The following MYO1B variants were observed in gnomAD, a reference collection of about 807,000 sequenced individuals.
MYO1B encodes the protein myosin IB.
In MYO1B, 72 loss-of-function variants were observed where a neutral mutation model predicts 159.7. The observed-to-expected ratio is 0.45, with a 90% confidence interval of 0.37 to 0.55. The LOEUF is 0.55. Ranked by LOEUF, MYO1B falls within the 20% of genes least tolerant of loss-of-function variation. The pLI, the probability that MYO1B is intolerant of heterozygous loss-of-function variation, is 0.00. For synonymous variants in MYO1B, 468 were observed against 473.8 expected, an observed-to-expected ratio of 0.99 and a Z score of 0.16; for missense variants, 1,062 against 1,364.8, an observed-to-expected ratio of 0.78 and a Z score of 3.50.
At chr2:191,263,285 T>C in intron 1 of MYO1B, 1 of 981,220 alleles carries the variant, frequency 1.0e-6, no homozygotes, top group Non-Finnish European at 1.2e-6. Flanking sequence ...TTGTACTTAG[T>C]GTGTTCTCCC....
At chr2:191,410,736 T>C (rs1697203739) in intron 26 of MYO1B, among the ~76,000 whole-genome samples, 1 of 152,094 alleles carries the variant, frequency 6.6e-6, no homozygotes, top group African/African-American at 2.4e-5. Flanking sequence ...TTACTGTGAG[T>C]CTCTCTAGAA....
intron 1 of MYO1B, among the ~76,000 whole-genome samples, chr2:191,254,194 TA>T (rs1686293799): frequency 6.6e-6 from 1 of 152,204 alleles, no homozygotes. Context: ...GAAAATGTCA[TA>T]ATTCACTTTA....
At chr2:191,407,945 C>T in intron 24 of MYO1B, 170 bp from the exon 25 acceptor site, 1 of 425,886 alleles carries the variant, frequency 2.3e-6, no homozygotes, top group Non-Finnish European at 4.2e-6. Flanking sequence ...ATTTCTTTCT[C>T]TCTGACTTAA....
At chr2:191,296,082 A>T (rs1385444418) in intron 2 of MYO1B, 29 bp from the exon 3 acceptor site, 4 of 1,328,212 alleles carry the variant, frequency 3.0e-6, no homozygotes, top group Non-Finnish European at 4.2e-6. Flanking sequence ...GTACTAACTA[A>T]TGGGCATGTT....
At chr2:191,302,639 G>A (rs1414058103) in intron 3 of MYO1B, among the ~76,000 whole-genome samples, 1 of 152,210 alleles carries the variant, frequency 6.6e-6, no homozygotes, top group African/African-American at 2.4e-5. Context: ...CTGGCAACAA[G>A]CCCTCTGGTG....
rs1033099610 is a variant in MYO1B at position 191,353,684 on chromosome 2, A to C, written c.562+3459A>C. Reference sequence around the variant, plus strand: ...TTTATCATGTGGTTTCCAGTGTCTAAACAAAAGACGGCAAATTACTTCATT... The same window carrying C: ...TTTATCATGTGGTTTCCAGTGTCTACACAAAAGACGGCAAATTACTTCATT... On this transcript the variant is annotated intron_variant, in intron 7 of 30. Coordinates refer to ENST00000392318, the MANE Select transcript of MYO1B (RefSeq NM_001130158.3). 1.2e-4 allele frequency among the ~76,000 whole-genome samples: 19 copies of C among 152,178 alleles called. 1 individual carries two copies. Among genetic ancestry groups the C allele is most frequent in the African/African-American group, 3.4e-4 (14 of 41,434 alleles).
chr2:191,299,554 T>C (rs1381116346), intron 3 of MYO1B, among the ~76,000 whole-genome samples: 1 of 152,190 alleles, frequency 6.6e-6, no homozygotes, highest in African/African-American at 2.4e-5. Flanking sequence ...GAAGACCTCT[T>C]AGGGAGGAAC....
intron 24 of MYO1B, among the ~76,000 whole-genome samples, chr2:191,406,160 CCT>C (rs1282540742): frequency 6.6e-6 from 1 of 152,218 alleles, no homozygotes; most frequent in Admixed American, 6.5e-5. Flanking sequence ...AGCTTCCTCA[CCT>C]CTCTCAGCCT....
chr2:191,370,147 A>G lies in MYO1B; in HGVS notation c.1120-80A>G. ...ACTTAAGAAACATAATTAATTTGTA[A>G]TATATATCTATGTTCCTTGGATGCT... On this transcript the variant is annotated intron_variant, in intron 12 of 30. Transcript: ENST00000392318. 4 of 873,904 alleles carry G rather than the reference A, an allele frequency of 4.6e-6. No individual in the cohort carries two copies. In the South Asian group the frequency reaches 6.7e-5, roughly 15 times the overall value. The allele number at this position is 873,904 out of a possible 1,614,324, so 54.1% of individuals were successfully genotyped here. A position where few individuals can be genotyped will look rare whatever the true frequency, so the allele number is the denominator to read the frequency against.
At chr2:191,254,099 A>G (rs1686289278) in intron 1 of MYO1B, among the ~76,000 whole-genome samples, 1 of 152,222 alleles carries the variant, frequency 6.6e-6, no homozygotes, top group South Asian at 2.1e-4. Flanking sequence ...TGATTGATCA[A>G]GTTCACATCT....
intron 5 of MYO1B, among the ~76,000 whole-genome samples, chr2:191,345,406 C>G (rs918847013): frequency 7.9e-5 from 12 of 152,192 alleles, no homozygotes; most frequent in African/African-American, 2.7e-4. Flanking sequence ...TTGCTCCTAT[C>G]TTATGCACAG....
chr2:191,285,872 ATTTGT>A (rs1688334239), intron 2 of MYO1B, among the ~76,000 whole-genome samples: 1 of 152,108 alleles, frequency 6.6e-6, no homozygotes, highest in African/African-American at 2.4e-5. Context: ...CAGGTCCCAG[ATTTGT>A]TATAGCCTGG....
chr2:191,332,318 C>G (rs1169328435), intron 4 of MYO1B, among the ~76,000 whole-genome samples: 1 of 151,984 alleles, frequency 6.6e-6, no homozygotes, highest in Admixed American at 6.6e-5. Context: ...CATGTATTGA[C>G]TCATACTGGT....
At chr2:191,374,029 C>A (rs987652803) in intron 13 of MYO1B, among the ~76,000 whole-genome samples, 1 of 152,082 alleles carries the variant, frequency 6.6e-6, no homozygotes, top group South Asian at 2.1e-4. Flanking sequence ...GGTACTTTTA[C>A]CTGCTTTTTA....
chr2:191,347,786 G>T (rs1454092611), intron 6 of MYO1B, among the ~76,000 whole-genome samples: 1 of 152,162 alleles, frequency 6.6e-6, no homozygotes, highest in African/African-American at 2.4e-5. Context: ...TTTATAGGAG[G>T]ACTCTACTGT....
chr2:191,346,242 G>A lies in MYO1B; in HGVS notation c.458G>A (p.Gly153Glu). 5 of 1,568,114 alleles carry A rather than the reference G, an allele frequency of 3.2e-6. No homozygotes were observed. The highest frequency in any genetic ancestry group is 4.3e-6 in the Non-Finnish European group (5 of 1,155,906). ...TCTGTTTCTTTCCTACTAGCTTTTG[G>A]AAATGCCAAAACTGTAAGGAATGAC... ...LQSNPVLEAF[G>E]NAKTVRNDNS... Residue 153 changes from glycine (G) to glutamate (E), a missense_variant, in exon 6 of 31, where the codon GGA (glycine) becomes GAA (glutamate). Gly to Glu is a moderately conservative substitution (Grantham distance 98). Coordinates refer to ENST00000392318, the MANE Select transcript of MYO1B (RefSeq NM_001130158.3).
At chr2:191,421,281 G>T (rs914121046) in intron 30 of MYO1B, among the ~76,000 whole-genome samples, 1 of 151,882 alleles carries the variant, frequency 6.6e-6, no homozygotes, top group African/African-American at 2.4e-5. Flanking sequence ...TCTTGGCCAG[G>T]CTGGTTCCAA....
intron 2 of MYO1B, among the ~76,000 whole-genome samples, chr2:191,295,030 T>C (rs1374516077): frequency 6.6e-6 from 1 of 152,184 alleles, no homozygotes; most frequent in African/African-American, 2.4e-5. Context: ...GGGATGACAT[T>C]GGAAAGGTGG....
chr2:191,374,312 G>A lies in MYO1B; in HGVS notation c.1185+4020G>A, dbSNP rs192135502. On this transcript the variant is annotated intron_variant, in intron 13 of 30. Transcript: ENST00000392318. ...TCCACCCAAGTGAAAAGAAACTGCT[G>A]GAGTATAGATAACATGTATTTTTTT... Among the ~76,000 whole-genome samples the A allele has an allele frequency of 2.6e-5, 4 of 152,316 alleles. No individual in the cohort carries two copies. The East Asian group carries it at 5.8e-4, about 22-fold the overall frequency.
Sources: allele counts gnomAD v4.1 joint callset (sites outside exome capture counted in the v4.1 genomes callset), GRCh38; gene constraint gnomAD v4.1.1; transcripts MANE v1.5; gene names NCBI Gene and HGNC (gene_info 2026-07-23, HGNC 2026-07-21).